FAM200B: variants seen among roughly 807,000 people sequenced by gnomAD.
The protein encoded by FAM200B is protein FAM200B.
A neutral mutation model predicts 33.1 loss-of-function variants in FAM200B; 32 were observed. The ratio of observed to expected loss-of-function variants is 0.97; its 90% CI spans 0.73 to 1.30. The LOEUF (loss-of-function observed/expected upper bound fraction) is 1.30. Ranked by LOEUF, FAM200B falls within the 50% of genes most tolerant of loss-of-function variation. The pLI is 0.00. For missense variants in FAM200B, 741 were observed against 754.0 expected (o/e 0.98, Z 0.20); for synonymous variants, 240 against 264.8 (o/e 0.91, Z 0.91).
At chr4:15,649,578 C>CAAA in the FAM200B span, among the ~76,000 whole-genome samples, 91 of 81,294 alleles carry the variant, frequency 1.1e-3, no homozygotes, top group Middle Eastern at 7.5e-3. Flanking sequence ...GACTACGTCT[C>CAAA]AAAAAAAAAA....
At chr4:15,649,302 G>A in the FAM200B span, among the ~76,000 whole-genome samples, 8 of 152,022 alleles carry the variant, frequency 5.3e-5, no homozygotes, top group Admixed American at 5.2e-4. Flanking sequence ...AACCAGGGCC[G>A]GGCACAGTGG....
chr4:15,688,135 T>C lies in FAM200B; in HGVS notation c.1158T>C (p.Ile386=), dbSNP rs546410977. Residue 386 remains isoleucine (I), a synonymous_variant, in exon 2 of 2, where the codon ATT becomes ATC. Transcript: ENST00000422728. ...NHTHLLYHTK[I]RWLSQGKILS... ...CCCACTTACTATATCATACCAAAAT[T>C]CGTTGGTTGTCTCAAGGGAAAATAC... 59 of 1,551,184 alleles carry C rather than the reference T, an allele frequency of 3.8e-5. No individual in the cohort carries two copies. The Middle Eastern group carries it at 5.0e-4, about 13-fold the overall frequency.
chr4:15,646,379 A>G, the FAM200B span, among the ~76,000 whole-genome samples: 1 of 151,384 alleles, frequency 6.6e-6, no homozygotes, highest in Admixed American at 6.6e-5. Context: ...TTTTTTTTTA[A>G]ATCATAAGAA....
At position 15,687,871 on chromosome 4, in the gene FAM200B, C is replaced by T. The variant is rs1288761241; in HGVS notation, c.894C>T (p.Gly298=). 1.1e-5 allele frequency: 17 copies of T among 1,550,936 alleles called. No homozygotes were observed. Among genetic ancestry groups the T allele is most frequent in the Non-Finnish European group, 1.1e-5 (13 of 1,146,622 alleles). Residue 298 remains glycine (G), a synonymous_variant, in exon 2 of 2, where the codon GGC becomes GGT. Coordinates refer to ENST00000422728, the MANE Select transcript of FAM200B (RefSeq NM_001145191.2). ...ACTGTAAAGGAATTACAAGTGATGG[C>T]ACAGCAACCATGACTGGAAAACATA... ...WKNCKGITSD[G]TATMTGKHSR...
chr4:15,649,452 C>T, the FAM200B span, among the ~76,000 whole-genome samples: 1,322 of 151,792 alleles, frequency 8.7e-3, 71 homozygotes, highest in East Asian at 0.17. Context: ...GGTTAGCACA[C>T]GCCTGTAGAC....
At chr4:15,680,960 CAT>C (rs887106373), upstream of FAM200B, among the ~76,000 whole-genome samples, 357 of 147,592 alleles carry the variant, frequency 2.4e-3, no homozygotes, top group African/African-American at 8.3e-3. Context: ...TTTTGTTTCA[CAT>C]ATATATATAA....
chr4:15,659,577 T>A, the FAM200B span: 1 of 216,018 alleles, frequency 4.6e-6, no homozygotes, highest in African/African-American at 2.3e-5. Context: ...GATCTCCTTT[T>A]GAAGAGAAGT....
upstream of FAM200B, among the ~76,000 whole-genome samples, chr4:15,680,638 T>C (rs1718198395): frequency 6.6e-6 from 1 of 151,878 alleles, no homozygotes; most frequent in South Asian, 2.1e-4. Flanking sequence ...GCTGCGCCAC[T>C]GCACTCCAGC....
At chr4:15,682,808 C>G (rs1190245556) in intron 1 of FAM200B, among the ~76,000 whole-genome samples, 1 of 152,024 alleles carries the variant, frequency 6.6e-6, no homozygotes, top group Non-Finnish European at 1.5e-5. Flanking sequence ...GTATTCCAGG[C>G]AAAAGGAATA....
upstream of FAM200B, among the ~76,000 whole-genome samples, chr4:15,676,846 T>C (rs1331208694): frequency 1.3e-5 from 2 of 152,314 alleles, no homozygotes; most frequent in Non-Finnish European, 2.9e-5. Flanking sequence ...TGTTACCTAA[T>C]ATATCACTAG....
chr4:15,667,379 G>A, the FAM200B span, among the ~76,000 whole-genome samples: 1 of 152,128 alleles, frequency 6.6e-6, no homozygotes, highest in African/African-American at 2.4e-5. Context: ...TACATACCAA[G>A]TTGCAGTACC....
At chr4:15,652,247 T>C in the FAM200B span, among the ~76,000 whole-genome samples, 1 of 152,114 alleles carries the variant, frequency 6.6e-6, no homozygotes, top group East Asian at 1.9e-4. Context: ...TAGCAGGAGA[T>C]TTCTTAGCAG....
chr4:15,650,048 C>CAGTA, the FAM200B span, among the ~76,000 whole-genome samples: 1 of 152,164 alleles, frequency 6.6e-6, no homozygotes, highest in Non-Finnish European at 1.5e-5. Flanking sequence ...CTCACCAAGG[C>CAGTA]AGTAATTTTG....
upstream of FAM200B, among the ~76,000 whole-genome samples, chr4:15,678,431 G>A (rs1188048711): frequency 2.6e-5 from 4 of 152,130 alleles, no homozygotes; most frequent in African/African-American, 7.2e-5. Flanking sequence ...GCATTGTAAC[G>A]ACCACTTGAT....
At chr4:15,646,931 G>A in the FAM200B span, among the ~76,000 whole-genome samples, 1 of 151,936 alleles carries the variant, frequency 6.6e-6, no homozygotes, top group South Asian at 2.1e-4. Context: ...ACCAACTGTG[G>A]ATTGAAAAAG....
At chr4:15,655,219 C>A in the FAM200B span, 1 of 1,434,314 alleles carries the variant, frequency 7.0e-7, no homozygotes, top group Non-Finnish European at 9.3e-7. Flanking sequence ...CGCAGTAGAG[C>A]CCCACCAGCT....
the FAM200B span, among the ~76,000 whole-genome samples, chr4:15,645,550 C>T: frequency 1.3e-5 from 2 of 152,098 alleles, no homozygotes; most frequent in South Asian, 4.1e-4. Context: ...GCCTCAGCCT[C>T]CTGAGTAGCT....
chr4:15,675,417 C>T, the FAM200B span, among the ~76,000 whole-genome samples: 1 of 152,006 alleles, frequency 6.6e-6, no homozygotes, highest in South Asian at 2.1e-4. Context: ...TGTTCCTATC[C>T]TGGATTTACC....
Position 15,687,022 on chromosome 4 carries a change from A to G in FAM200B, c.45A>G (p.Lys15=). ...AAAGAAAGAGGAATAGTGAAGTGAAATATACAGAAGCATGTTCAAGTTCAT... is the reference window on the plus strand; with the variant it reads ...AAAGAAAGAGGAATAGTGAAGTGAAGTATACAGAAGCATGTTCAAGTTCAT... The part of the protein sequence containing the change: ...FIKRKRNSEV[K]YTEACSSSSV... Residue 15 remains lysine (K), a synonymous_variant, in exon 2 of 2, where the codon AAA becomes AAG. Transcript: ENST00000422728. 6.7e-7 allele frequency: 1 copy of G among 1,486,582 alleles called. No individual in the cohort carries two copies. The highest frequency in any genetic ancestry group is 1.3e-5 in the South Asian group (1 of 75,680). The allele number at this position is 1,486,582 out of a possible 1,614,324, so 92.1% of individuals were successfully genotyped here. A position where few individuals can be genotyped will look rare whatever the true frequency, so the allele number is the denominator to read the frequency against.
Sources: allele counts gnomAD v4.1 joint callset (sites outside exome capture counted in the v4.1 genomes callset), GRCh38; gene constraint gnomAD v4.1.1; transcripts MANE v1.5; gene names NCBI Gene and HGNC (gene_info 2026-07-23, HGNC 2026-07-21).